The following ERV3-1 variants were observed in gnomAD, a reference collection of about 807,000 sequenced individuals.
ERV3-1 encodes the protein endogenous retrovirus group 3 member 1, envelope, also known as endogenous retrovirus group 3 member 1 Env polyprotein.
A neutral mutation model predicts 24.6 loss-of-function variants in ERV3-1; 36 were observed. That is an observed-to-expected ratio of 1.47 (90% CI 1.12 to 1.94). ERV3-1 has a LOEUF of 1.94. ERV3-1 is among the 30% of genes most tolerant of loss of function. The pLI, the probability that ERV3-1 is intolerant of heterozygous loss-of-function variation, is 0.00. For synonymous variants in ERV3-1, 211 were observed against 122.6 expected, an observed-to-expected ratio of 1.72 and a Z score of -4.76; for missense variants, 578 against 330.9, an observed-to-expected ratio of 1.75 and a Z score of -5.79.
At chr7:64,996,792 G>A (rs1297599711) in intron 1 of ERV3-1, among the ~76,000 whole-genome samples, 1 of 152,180 alleles carries the variant, frequency 6.6e-6, no homozygotes, top group African/African-American at 2.4e-5. Flanking sequence ...CCTATGGGCT[G>A]GGTCACTACC....
chr7:64,994,289 G>A (rs754736719), intron 1 of ERV3-1, among the ~76,000 whole-genome samples: 12 of 152,156 alleles, frequency 7.9e-5, no homozygotes, highest in Non-Finnish European at 1.3e-4. Flanking sequence ...TTCTAGTGCT[G>A]TTTTTCCCAC....
Position 64,992,707 on chromosome 7 carries a change from G to A in ERV3-1, c.320C>T (p.Thr107Ile), listed in dbSNP as rs143956722. The change falls in exon 2 of 2, where the codon ACC becomes ATC. Residue 107 changes from threonine (T) to isoleucine (I), a missense_variant. Transcript: ENST00000394323. ...GSKEGDLLNQ[T>I]KVFPSGKDVV... ...ATCCTTGCCAGAGGGAAATACCTTG[G>A]TTTGGTTTAGAAGATCCCCTTCCTT... The A allele has an allele frequency of 3.3e-4, 254 of 766,384 alleles. No individual in the cohort carries two copies. The African/African-American group carries it at 4.1e-3, about 12-fold the overall frequency. 47.5% of individuals were successfully genotyped at this position (766,384 alleles called of 1,614,324 possible). A position where few individuals can be genotyped will look rare whatever the true frequency, so the allele number is the denominator to read the frequency against.
rs375441031 is a variant in ERV3-1, at chr7:64,999,150, C to T, written c.-388-5736G>A. Among the ~76,000 whole-genome samples, 3 of 152,152 alleles carry T rather than the reference C, an allele frequency of 2.0e-5. No homozygotes were observed. In the South Asian group the frequency reaches 6.2e-4, roughly 31 times the overall value. The stretch of plus-strand genomic sequence containing the variant: ...GTCCTGTAGCGTGAAGTCCTGGAAT[C>T]GTCCTGTAGCCCCTTAGGTTCCAAT... On this transcript the variant is annotated intron_variant, in intron 1 of 1. Coordinates refer to ENST00000394323, the MANE Select transcript of ERV3-1 (RefSeq NM_001007253.4).
Position 64,992,880 on chromosome 7 carries a change from A to C in ERV3-1, c.147T>G (p.Thr49=). The change falls in exon 2 of 2, where the codon ACT becomes ACG. Residue 49 remains threonine, a synonymous_variant. Coordinates refer to ENST00000394323, the MANE Select transcript of ERV3-1 (RefSeq NM_001007253.4). ...GGCAGGTCCCAGCACACTCATAATAAGTGTGATACAACAGGGTTTTAGTCA... is the reference window on the plus strand; with the variant it reads ...GGCAGGTCCCAGCACACTCATAATACGTGTGATACAACAGGGTTTTAGTCA... ...NIMTKTLLYH[T]YYECAGTCLG... The C allele has an allele frequency of 1.3e-6, 1 of 766,430 alleles. No homozygotes were observed. 47.5% of individuals were successfully genotyped at this position (766,430 alleles called of 1,614,324 possible).
chr7:65,003,313 C>A (rs937483135), intron 1 of ERV3-1, among the ~76,000 whole-genome samples: 3 of 152,158 alleles, frequency 2.0e-5, no homozygotes, highest in Non-Finnish European at 4.4e-5. Context: ...GAAACCTCGT[C>A]TCTACTAAAA....
At chr7:64,997,162 C>G (rs182873241) in intron 1 of ERV3-1, among the ~76,000 whole-genome samples, 1 of 152,238 alleles carries the variant, frequency 6.6e-6, no homozygotes. Flanking sequence ...CACACCCACT[C>G]GCGATGCTAG....
intron 1 of ERV3-1, among the ~76,000 whole-genome samples, chr7:64,998,373 C>A (rs1301433910): frequency 1.3e-5 from 2 of 152,134 alleles, no homozygotes; most frequent in Non-Finnish European, 2.9e-5. Context: ...TCTGGATGCC[C>A]TGGCTGTCCT....
At position 64,992,799 on chromosome 7, in the gene ERV3-1, G is replaced by A; in HGVS notation, c.228C>T (p.Gly76=). 2.6e-6 allele frequency: 2 copies of A among 766,396 alleles called. No individual in the cohort carries two copies. The highest frequency in any genetic ancestry group is 4.5e-4 in the Middle Eastern group (2 of 4,436). The allele number at this position is 766,396 out of a possible 1,614,324, so 47.5% of individuals were successfully genotyped here. A position where few individuals can be genotyped will look rare whatever the true frequency, so the allele number is the denominator to read the frequency against. The change falls in exon 2 of 2, where the codon GGC becomes GGT. Residue 76 remains glycine (G), a synonymous_variant. Transcript: ENST00000394323. ...TAGGGTCATAACACACATAAGGCTG[G>A]CCCCTTCCTGGGTCACAGACTGAGT... The part of the protein sequence containing the change: ...TTYSVCDPGR[G]QPYVCYDPKS...
intron 1 of ERV3-1, among the ~76,000 whole-genome samples, chr7:64,994,160 C>A (rs1431663174): frequency 6.6e-6 from 1 of 152,126 alleles, no homozygotes; most frequent in Non-Finnish European, 1.5e-5. Flanking sequence ...TTCCTGAATT[C>A]CTGGGGGCCG....
rs1246134327 is a variant in ERV3-1, at chr7:64,991,189, C to T, written c.*23G>A. ...AAATCCTCCAAGGGATGAGAACCAACCTCTGAAAAGGGAATCTGGAGACTA... is the reference window on the plus strand; with the variant it reads ...AAATCCTCCAAGGGATGAGAACCAATCTCTGAAAAGGGAATCTGGAGACTA... On this transcript the variant is annotated 3_prime_UTR_variant, in exon 2 of 2. Coordinates refer to ENST00000394323, the MANE Select transcript of ERV3-1 (RefSeq NM_001007253.4). 8.3e-6 allele frequency: 6 copies of T among 721,422 alleles called. No homozygotes were observed. Among genetic ancestry groups the T allele is most frequent in the South Asian group, 1.5e-5 (1 of 66,570 alleles). 44.7% of individuals were successfully genotyped at this position (721,422 alleles called of 1,614,324 possible). A position where few individuals can be genotyped will look rare whatever the true frequency, so the allele number is the denominator to read the frequency against.
At chr7:64,994,475 G>A (rs1209266989) in intron 1 of ERV3-1, among the ~76,000 whole-genome samples, 1 of 152,122 alleles carries the variant, frequency 6.6e-6, no homozygotes, top group Non-Finnish European at 1.5e-5. Flanking sequence ...GCTCTGGGAG[G>A]AGGGGCATAG....
chr7:65,005,317 TAA>T (rs1224633557), intron 1 of ERV3-1: 1 of 152,210 alleles, frequency 6.6e-6, no homozygotes, highest in Admixed American at 6.5e-5. Flanking sequence ...CATTACCTTA[TAA>T]AGTTTCCAAA....
chr7:64,995,221 A>T (rs1786381536), intron 1 of ERV3-1, among the ~76,000 whole-genome samples: 1 of 152,204 alleles, frequency 6.6e-6, no homozygotes, highest in African/African-American at 2.4e-5. Context: ...CCCCAGGGTC[A>T]GTTTGTCAGC....
intron 1 of ERV3-1, 160 bp downstream of exon 1, chr7:65,006,381 A>G (rs1584074227): frequency 8.1e-7 from 1 of 1,232,632 alleles, no homozygotes; most frequent in African/African-American, 1.5e-5. Context: ...CCGCCATCCT[A>G]TGGCTGAAGG....
intron 1 of ERV3-1, among the ~76,000 whole-genome samples, chr7:65,002,422 C>G (rs900262599): frequency 2.0e-5 from 3 of 152,200 alleles, no homozygotes; most frequent in East Asian, 1.9e-4. Context: ...CTCCAAGGTT[C>G]AAGCAATTCT....
At position 64,990,579 on chromosome 7, in the gene ERV3-1, T is replaced by C. The variant is rs946154652; in HGVS notation, c.*633A>G. The C allele has an allele frequency of 6.6e-6, 1 of 152,334 alleles. No homozygotes were observed. Among genetic ancestry groups the C allele is most frequent in the South Asian group, 2.1e-4 (1 of 4,852 alleles). The allele number at this position is 152,334 out of a possible 1,614,324, so 9.4% of individuals were successfully genotyped here. On this transcript the variant is annotated 3_prime_UTR_variant, in exon 2 of 2. Transcript: ENST00000394323. ...AGGTTTTACAACAGGATTTGCAACA[T>C]GAGCCTACCTTACTTAAACATGTCT...
At position 65,006,536 on chromosome 7, in the gene ERV3-1, C is replaced by G. The variant is rs963827402; in HGVS notation, c.-389+5G>C. ...CTCTCGGGATGTCGGACCCGGCACT[C>G]TCACCATTTCTAGGCTTCCAGTGGG... On this transcript the variant is annotated splice_donor_5th_base_variant and intron_variant, in intron 1 of 1. Coordinates refer to ENST00000394323, the MANE Select transcript of ERV3-1 (RefSeq NM_001007253.4). 1.1e-5 allele frequency: 18 copies of G among 1,575,934 alleles called. No individual in the cohort carries two copies. The highest frequency in any genetic ancestry group is 1.3e-5 in the Non-Finnish European group (15 of 1,147,074).
intron 1 of ERV3-1, among the ~76,000 whole-genome samples, chr7:65,002,520 G>A (rs1198055612): frequency 6.6e-6 from 1 of 152,086 alleles, no homozygotes; most frequent in South Asian, 2.1e-4. Context: ...TAGAGATGGG[G>A]TTTCGTCATG....
chr7:64,993,823 A>G (rs1042911786), intron 1 of ERV3-1, among the ~76,000 whole-genome samples: 1 of 152,146 alleles, frequency 6.6e-6, no homozygotes, highest in African/African-American at 2.4e-5. Context: ...TTGAGTGTCC[A>G]GTTCATGCAC....
Sources: gnomAD v4.1 joint callset for allele counts (sites outside exome capture counted in the v4.1 genomes callset) on GRCh38, gnomAD v4.1.1 for gene constraint, MANE v1.5 for transcripts, NCBI Gene and HGNC (gene_info 2026-07-23, HGNC 2026-07-21) for gene names.